IL1RAPL1: variants seen among roughly 807,000 people sequenced by gnomAD.
IL1RAPL1 encodes the protein interleukin-1 receptor accessory protein-like 1.
In IL1RAPL1, 3 loss-of-function variants were observed where a neutral mutation model predicts 48.4. That is an observed-to-expected ratio of 0.06 (90% CI 0.03 to 0.16). IL1RAPL1 has a LOEUF of 0.16. Among genes scored for constraint, IL1RAPL1 ranks in the 10% least tolerant of loss-of-function variants. IL1RAPL1 has a pLI of 1.00. For synonymous variants in IL1RAPL1, 185 were observed against 187.7 expected (o/e 0.99, Z 0.12); for missense variants, 349 against 530.6 (o/e 0.66, Z 3.36).
chrX:29,789,807 G>C (rs1377083271), intron 6 of IL1RAPL1, among the ~76,000 whole-genome samples: 1 of 92,828 alleles, frequency 1.1e-5, no homozygotes, highest in African/African-American at 4.2e-5. Context: ...TTATCTCAAA[G>C]TGTTCTTAGA....
At chrX:29,743,578 C>G (rs199768539) in intron 6 of IL1RAPL1, among the ~76,000 whole-genome samples, 1 of 111,629 alleles carries the variant, frequency 9.0e-6, no homozygotes, top group East Asian at 2.8e-4. Flanking sequence ...CTCCAGTTCT[C>G]TAGTTCAAGC....
At chrX:28,852,962 G>T (rs1440737708) in intron 2 of IL1RAPL1, among the ~76,000 whole-genome samples, 2 of 110,031 alleles carry the variant, frequency 1.8e-5, no homozygotes, top group Non-Finnish European at 3.8e-5. Context: ...TATTATTATG[G>T]GCTTCTCAAT....
intron 1 of IL1RAPL1, among the ~76,000 whole-genome samples, chrX:28,730,509 G>A (rs1370842753): frequency 9.0e-6 from 1 of 111,262 alleles, no homozygotes; most frequent in Admixed American, 9.6e-5. Context: ...ATAAATGTAT[G>A]CTGAAAAAAG....
intron 6 of IL1RAPL1, among the ~76,000 whole-genome samples, chrX:29,688,515 C>G (rs996486561): frequency 1.8e-5 from 2 of 111,753 alleles, no homozygotes; most frequent in East Asian, 5.6e-4. Context: ...TGCCAAGACC[C>G]TTTTTCCAAA....
chrX:28,940,408 C>G (rs1311564258), intron 2 of IL1RAPL1, among the ~76,000 whole-genome samples: 1 of 111,278 alleles, frequency 9.0e-6, no homozygotes, highest in African/African-American at 3.2e-5. Flanking sequence ...AATGATTTAT[C>G]AATAAAAGCT....
intron 6 of IL1RAPL1, among the ~76,000 whole-genome samples, chrX:29,688,180 G>C (rs1926678631): frequency 8.9e-6 from 1 of 112,047 alleles, no homozygotes; most frequent in Admixed American, 9.5e-5. Context: ...TTACTTGATG[G>C]CTTAAAACAA....
intron 6 of IL1RAPL1, among the ~76,000 whole-genome samples, chrX:29,829,152 A>T (rs1174423457): frequency 1.3e-5 from 1 of 78,205 alleles, no homozygotes; most frequent in Non-Finnish European, 2.4e-5. Flanking sequence ...ATGGACAAAA[A>T]CCTACACACA....
intron 5 of IL1RAPL1, among the ~76,000 whole-genome samples, chrX:29,516,763 G>T (rs1447494916): frequency 9.1e-6 from 1 of 110,484 alleles, no homozygotes; most frequent in Non-Finnish European, 1.9e-5. Context: ...TCCTGGTGTA[G>T]ATGTGGAAAA....
chrX:28,917,338 C>T (rs183014032), intron 2 of IL1RAPL1, among the ~76,000 whole-genome samples: 79 of 112,083 alleles, frequency 7.0e-4, no homozygotes, highest in Non-Finnish European at 6.6e-4. Flanking sequence ...TATTTTTCAA[C>T]CTCAATGATA....
chrX:28,762,819 CACACAGAGAGAGAGAGAGAGAGAG>C (rs1271764741), intron 1 of IL1RAPL1, among the ~76,000 whole-genome samples: 36 of 39,267 alleles, frequency 9.2e-4, no homozygotes, highest in Admixed American at 8.4e-3. Context: ...CACACACACA[CACACAGAGAGAGAGAGAGAGAGAG>C]AGAGAGAGAA....
intron 6 of IL1RAPL1, among the ~76,000 whole-genome samples, chrX:29,725,308 G>C (rs1265396005): frequency 1.8e-5 from 2 of 110,969 alleles, no homozygotes; most frequent in Non-Finnish European, 3.8e-5. Context: ...TCCTTCTACT[G>C]TTACTTGTTG....
At chrX:28,657,308 GAT>G in intron 1 of IL1RAPL1, among the ~76,000 whole-genome samples, 1 of 111,784 alleles carries the variant, frequency 8.9e-6, no homozygotes, top group South Asian at 3.7e-4. Flanking sequence ...ATCAAATAGA[GAT>G]ATTGAAATTT....
At position 29,084,642 on chromosome X, in the gene IL1RAPL1, C is replaced by T. The variant is rs753424518; in HGVS notation, c.83-198296C>T. Among the ~76,000 whole-genome samples the T allele has an allele frequency of 2.7e-5, 3 of 112,342 alleles. No individual in the cohort carries two copies. The East Asian group carries it at 8.4e-4, about 31-fold the overall frequency. On this transcript the variant is annotated intron_variant, in intron 2 of 10. Coordinates refer to ENST00000378993, the MANE Select transcript of IL1RAPL1 (RefSeq NM_014271.4). ...TTAAAAGAAGTAGGGCTAATGTGGG[C>T]TTATTTTCCTAATGTGCAACATTAT...
chrX:29,537,017 A>T lies in IL1RAPL1; in HGVS notation c.704-131413A>T, dbSNP rs939722876. ...TTATATAAACAAATTTTATAATTTT[A>T]AAATTGGCATGTAGAGTACACATAT... is the stretch of plus-strand genomic sequence containing the variant. On this transcript the variant is annotated intron_variant, in intron 5 of 10. Transcript: ENST00000378993. Among the ~76,000 whole-genome samples the T allele has an allele frequency of 5.4e-5, 6 of 111,048 alleles. 1 individual carries two copies. Among genetic ancestry groups the T allele is most frequent in the African/African-American group, 2.0e-4 (6 of 30,658 alleles).
intron 8 of IL1RAPL1, among the ~76,000 whole-genome samples, chrX:29,929,359 T>C (rs1932920039): frequency 8.9e-6 from 1 of 111,865 alleles, no homozygotes; most frequent in African/African-American, 3.2e-5. Flanking sequence ...TCTTCAGTTT[T>C]ATCATTTGTA....
intron 8 of IL1RAPL1, among the ~76,000 whole-genome samples, chrX:29,926,464 CTTTA>C (rs1932892409): frequency 9.0e-6 from 1 of 111,463 alleles, no homozygotes; most frequent in Non-Finnish European, 1.9e-5. Flanking sequence ...TCCTTTTTTG[CTTTA>C]TTGAGTTTTA....
At position 28,587,730 on chromosome X, in the gene IL1RAPL1, T is replaced by C. The variant is rs1384637875; in HGVS notation, c.-342T>C. 2.0e-5 allele frequency: 2 copies of C among 101,036 alleles called. No homozygotes were observed. Among genetic ancestry groups the C allele is most frequent in the Non-Finnish European group, 4.0e-5 (2 of 50,472 alleles). 8.3% of individuals were successfully genotyped at this position (101,036 alleles called of 1,213,427 possible). On this transcript the variant is annotated 5_prime_UTR_variant, in exon 1 of 11. Coordinates refer to ENST00000378993, the MANE Select transcript of IL1RAPL1 (RefSeq NM_014271.4). ...TCTCCTCTCTCAGTCTCTCCTTTTC[T>C]ATCTGCCTCTTCATTTTTCTCCTAG...
intron 1 of IL1RAPL1, among the ~76,000 whole-genome samples, chrX:28,760,814 G>A (rs985737032): frequency 9.0e-6 from 1 of 110,921 alleles, no homozygotes; most frequent in Non-Finnish European, 1.9e-5. Flanking sequence ...TTGGCTGGGC[G>A]CGGTGGCTCA....
chrX:29,708,734 C>T (rs1399266215), intron 6 of IL1RAPL1, among the ~76,000 whole-genome samples: 2 of 111,769 alleles, frequency 1.8e-5, no homozygotes, highest in Non-Finnish European at 3.8e-5. Flanking sequence ...GAAATATACC[C>T]AGAAGTGGGA....
Sources: allele counts gnomAD v4.1 joint callset (sites outside exome capture counted in the v4.1 genomes callset), GRCh38; gene constraint gnomAD v4.1.1; transcripts MANE v1.5; gene names NCBI Gene and HGNC (gene_info 2026-07-23, HGNC 2026-07-21).